Variants in CNBP observed in about 807,000 individuals in gnomAD.
CNBP encodes the protein CCHC-type zinc finger nucleic acid binding protein.
A neutral mutation model predicts 21.2 loss-of-function variants in CNBP; 6 were observed. That is an observed-to-expected ratio of 0.28 (90% confidence interval 0.16 to 0.56). The LOEUF is 0.56. Ranked by LOEUF, CNBP falls within the 20% of genes least tolerant of loss-of-function variation. The pLI, the probability that CNBP is intolerant of heterozygous loss-of-function variation, is 0.93. For missense variants in CNBP, 112 were observed against 233.1 expected (o/e 0.48, Z 3.38); for synonymous variants, 61 against 74.9 (o/e 0.81, Z 0.96).
At chr3:129,178,434 C>T (rs1191447066) in intron 1 of CNBP, among the ~76,000 whole-genome samples, 3 of 152,120 alleles carry the variant, frequency 2.0e-5, no homozygotes, top group African/African-American at 7.2e-5. Flanking sequence ...ATGTTCATAA[C>T]TCTGTCCTAG....
At position 129,168,914 on chromosome 3, in the gene CNBP, G is replaced by A. The variant is rs1422782428; in HGVS notation, c.*1539C>T. On this transcript the variant is annotated 3_prime_UTR_variant, in exon 5 of 5. Transcript: ENST00000422453. ...GATTGAGACCATCCTGGCTAACACCGTGAAACCCCGTCTTTACTAAAAATA... is the reference window on the plus strand; with the variant it reads ...GATTGAGACCATCCTGGCTAACACCATGAAACCCCGTCTTTACTAAAAATA... 6.1e-5 allele frequency among the ~76,000 whole-genome samples: 9 copies of A among 147,172 alleles called. No individual in the cohort carries two copies. Among genetic ancestry groups the A allele is most frequent in the Non-Finnish European group, 1.2e-4 (8 of 66,996 alleles).
intron 1 of CNBP, among the ~76,000 whole-genome samples, chr3:129,175,885 G>A (rs1336689328): frequency 6.6e-6 from 1 of 152,158 alleles, no homozygotes; most frequent in African/African-American, 2.4e-5. Context: ...AGTGGCCTTA[G>A]GTACTATGTA....
chr3:129,183,459 G>A (rs943473008), intron 1 of CNBP, among the ~76,000 whole-genome samples: 2 of 152,240 alleles, frequency 1.3e-5, no homozygotes, highest in East Asian at 3.8e-4. Context: ...CAGGGCCTCG[G>A]CCCCAAGGGC....
chr3:129,170,604 C>T (rs1937549558), intron 4 of CNBP, 34 bp from the exon 5 acceptor site: 4 of 1,563,242 alleles, frequency 2.6e-6, no homozygotes, highest in Non-Finnish European at 1.8e-6. Context: ...CACAATGGGC[C>T]TCAGAAAAAA....
At chr3:129,170,769 G>A (rs1271695924) in intron 4 of CNBP, among the ~76,000 whole-genome samples, 199 bp from the exon 5 acceptor site, 1 of 152,126 alleles carries the variant, frequency 6.6e-6, no homozygotes, top group Non-Finnish European at 1.5e-5. Flanking sequence ...CTGGTTACAT[G>A]ATAAAAGATT....
At position 129,167,846 on chromosome 3, in the gene CNBP, ATTGTG is replaced by A. The variant is rs1407351255; in HGVS notation, c.*2602_*2606del. Among the ~76,000 whole-genome samples the A allele has an allele frequency of 2.6e-5, 4 of 152,242 alleles. No individual in the cohort carries two copies. Among genetic ancestry groups the A allele is most frequent in the African/African-American group, 7.2e-5 (3 of 41,476 alleles). On this transcript the variant is annotated 3_prime_UTR_variant, in exon 5 of 5. Coordinates refer to ENST00000422453, the MANE Select transcript of CNBP (RefSeq NM_003418.5). ...AGAAAATAAAATTGTCAAGATATTTATTGTGTTAACATGTGAGACATACAATTTGC... is the reference window on the plus strand; with the variant it reads ...AGAAAATAAAATTGTCAAGATATTTATTAACATGTGAGACATACAATTTGC...
Position 129,170,207 on chromosome 3 carries a change from G to T in CNBP, c.*246C>A, listed in dbSNP as rs1937542859. ...CATTCATCAATCCCTATTCACCAGTGGCACGGAAAGGGGGTTCTTTAACAA... is the reference window on the plus strand; with the variant it reads ...CATTCATCAATCCCTATTCACCAGTTGCACGGAAAGGGGGTTCTTTAACAA... On this transcript the variant is annotated 3_prime_UTR_variant, in exon 5 of 5. Transcript: ENST00000422453. The T allele has an allele frequency of 4.4e-6, 2 of 459,654 alleles. No individual in the cohort carries two copies. Among genetic ancestry groups the T allele is most frequent in the Non-Finnish European group, 7.9e-6 (2 of 253,158 alleles). 28.5% of individuals were successfully genotyped at this position (459,654 alleles called of 1,614,324 possible). A position where few individuals can be genotyped will look rare whatever the true frequency, so the allele number is the denominator to read the frequency against.
chr3:129,171,380 C>T (rs2107633493), intron 3 of CNBP, 66 bp downstream of exon 3: 3 of 1,588,770 alleles, frequency 1.9e-6, no homozygotes, highest in East Asian at 4.5e-5. Context: ...AAATGCTATA[C>T]ACAGTTGCAT....
chr3:129,180,209 G>C (rs1323505973), intron 1 of CNBP, among the ~76,000 whole-genome samples: 1 of 151,062 alleles, frequency 6.6e-6, no homozygotes, highest in African/African-American at 2.4e-5. Context: ...CATTTGAATT[G>C]TAATGCTGTA....
intron 3 of CNBP, 27 bp from the exon 4 acceptor site, chr3:129,171,304 C>T: frequency 6.2e-7 from 1 of 1,613,178 alleles, no homozygotes; most frequent in Non-Finnish European, 8.5e-7. Flanking sequence ...AAGAAACAGG[C>T]CAAGACTATA....
intron 1 of CNBP, among the ~76,000 whole-genome samples, chr3:129,174,365 A>AC (rs1256514322): frequency 4.3e-5 from 6 of 138,108 alleles, no homozygotes; most frequent in Admixed American, 2.2e-4. Context: ...AAAAAAAAAA[A>AC]AAAAAAAAAC....
rs1576909077 is a variant in CNBP, at chr3:129,171,617, T to C, written c.124+17A>G. ...CAAATACTGAAGTACTTCAAATTTT[T>C]CTATTCGACAAAATACCTCTATCCG... is the stretch of plus-strand genomic sequence containing the variant. On this transcript the variant is annotated intron_variant, in intron 2 of 4. Transcript: ENST00000422453. 2.5e-6 allele frequency: 4 copies of C among 1,614,166 alleles called. No homozygotes were observed. Among genetic ancestry groups the C allele is most frequent in the South Asian group, 2.2e-5 (2 of 91,084 alleles).
intron 1 of CNBP, among the ~76,000 whole-genome samples, chr3:129,182,533 T>C (rs33936698): frequency 0.047 from 7,105 of 152,228 alleles, 224 homozygotes; most frequent in Non-Finnish European, 0.073. Context: ...TGTGGACCAT[T>C]ATGCCATTCT....
chr3:129,176,712 C>T (rs1937929246), intron 1 of CNBP, among the ~76,000 whole-genome samples: 1 of 152,220 alleles, frequency 6.6e-6, no homozygotes, highest in African/African-American at 2.4e-5. Flanking sequence ...AAACTCTCAG[C>T]TTTCTGAAAT....
chr3:129,179,781 G>A (rs545966738), intron 1 of CNBP, among the ~76,000 whole-genome samples: 3 of 152,248 alleles, frequency 2.0e-5, no homozygotes, highest in Admixed American at 1.3e-4. Context: ...GCAGTGAGCC[G>A]AGATCATGCC....
chr3:129,172,558 G>C (rs933772796), intron 1 of CNBP, among the ~76,000 whole-genome samples: 2 of 150,496 alleles, frequency 1.3e-5, no homozygotes, highest in African/African-American at 5.0e-5. Flanking sequence ...CTCCAGCCTA[G>C]GGGACAAAGT....
In CNBP at chr3:129,181,651, G is replaced by GAA. The variant is rs371274750; in HGVS notation, c.-15+2123_-15+2124dup. On this transcript the variant is annotated intron_variant, in intron 1 of 4. Transcript: ENST00000422453. ...GGCGACAGAGTGAGACTCCGTCTCA[G>GAA]AAAAAAAAAAAGAAAAACCCCTGGT... Among the ~76,000 whole-genome samples, 9 of 115,322 alleles carry GAA rather than the reference G, an allele frequency of 7.8e-5. 2 individuals are homozygous for GAA. The highest frequency in any genetic ancestry group is 5.3e-4 in the East Asian group (2 of 3,784). The allele number at this position is 115,322 out of a possible 152,430, so 75.7% of individuals were successfully genotyped here.
intron 1 of CNBP, among the ~76,000 whole-genome samples, chr3:129,173,178 A>G (rs1201704656): frequency 1.3e-5 from 2 of 152,232 alleles, no homozygotes; most frequent in African/African-American, 2.4e-5. Context: ...ATTATTCCCT[A>G]AACAATACAA....
At chr3:129,176,923 G>C (rs1937943913) in intron 1 of CNBP, among the ~76,000 whole-genome samples, 1 of 152,092 alleles carries the variant, frequency 6.6e-6, no homozygotes, top group Non-Finnish European at 1.5e-5. Flanking sequence ...AAGGAAGAAA[G>C]CTGCTGAATC....
Sources: allele counts gnomAD v4.1 joint callset (sites outside exome capture counted in the v4.1 genomes callset), GRCh38; gene constraint gnomAD v4.1.1; transcripts MANE v1.5; gene names NCBI Gene and HGNC (gene_info 2026-07-23, HGNC 2026-07-21).